LRP5: variants seen among roughly 807,000 people sequenced by gnomAD.
LRP5 encodes the protein LDL receptor related protein 5, also known as low-density lipoprotein receptor-related protein 5.
LRP5 carries 62 observed loss-of-function variants against 154.1 expected under a neutral mutation model. That is an observed-to-expected ratio of 0.40 (90% confidence interval 0.33 to 0.50). The LOEUF is 0.50. LRP5 is among the 20% of genes least tolerant of loss of function. The pLI is 0.55. For synonymous variants in LRP5, 966 were observed against 1,011.5 expected, an observed-to-expected ratio of 0.96 and a Z score of 0.85; for missense variants, 1,915 against 2,336.7, an observed-to-expected ratio of 0.82 and a Z score of 3.72.
intron 5 of LRP5, among the ~76,000 whole-genome samples, chr11:68,383,305 G>A (rs1412914094): frequency 6.6e-6 from 1 of 152,210 alleles, no homozygotes; most frequent in Non-Finnish European, 1.5e-5. Context: ...TGGACACACT[G>A]CTGAGGTCAA....
At chr11:68,341,989 C>T (rs1283329703) in intron 1 of LRP5, among the ~76,000 whole-genome samples, 1 of 151,992 alleles carries the variant, frequency 6.6e-6, no homozygotes, top group African/African-American at 2.4e-5. Context: ...GTGCCCATGG[C>T]CAGCCCCTCC....
At chr11:68,410,758 G>A (rs2098658989) in intron 10 of LRP5, among the ~76,000 whole-genome samples, 1 of 152,178 alleles carries the variant, frequency 6.6e-6, no homozygotes, top group South Asian at 2.1e-4. Flanking sequence ...TTCTGGACTT[G>A]AGTTTTCTTT....
intron 7 of LRP5, among the ~76,000 whole-genome samples, chr11:68,395,928 G>A (rs940805832): frequency 1.3e-5 from 2 of 152,110 alleles, no homozygotes; most frequent in Non-Finnish European, 2.9e-5. Context: ...CCAGCGCCAG[G>A]AGCAAACCCT....
At chr11:68,424,971 A>T in intron 14 of LRP5, 131 bp from the exon 15 acceptor site, 1 of 709,924 alleles carries the variant, frequency 1.4e-6, no homozygotes, top group Non-Finnish European at 2.5e-6. Context: ...CTAGTATAGA[A>T]TGTGACCTGT....
rs150088620 is a variant in LRP5, at chr11:68,436,913, G to A, written c.4025G>A (p.Arg1342Gln). 17 of 1,613,800 alleles carry A rather than the reference G, an allele frequency of 1.1e-5. No individual in the cohort carries two copies. In the East Asian group the frequency reaches 2.0e-4, roughly 19 times the overall value. The change falls in exon 19 of 23, where the codon CGG becomes CAG. Residue 1342 changes from arginine (R) to glutamine (Q), a missense_variant. This residue lies in a region of LRP5 where 1,094 missense variants were observed against 1,210.1 expected (regional missense o/e 0.90). Transcript: ENST00000294304. Reference protein sequence around the residue: ...CDAICLPNQFRCASGQCVLIK... With the variant: ...CDAICLPNQFQCASGQCVLIK... The stretch of plus-strand genomic sequence containing the variant: ...GCCATCTGCCTGCCCAACCAGTTCC[G>A]GTGTGCGAGCGGCCAGTGTGTCCTC...
intron 7 of LRP5, among the ~76,000 whole-genome samples, chr11:68,393,762 CAA>C (rs1239064334): frequency 3.9e-5 from 6 of 152,122 alleles, no homozygotes; most frequent in African/African-American, 1.4e-4. Context: ...GCCTGGGTGA[CAA>C]GAGTGAAACT....
chr11:68,327,165 G>T (rs1278442532), intron 1 of LRP5, among the ~76,000 whole-genome samples: 3 of 152,228 alleles, frequency 2.0e-5, no homozygotes, highest in Non-Finnish European at 4.4e-5. Flanking sequence ...GGCCTCCCAG[G>T]CTCCCCCTCC....
At chr11:68,432,549 C>T (rs2098672533) in intron 17 of LRP5, among the ~76,000 whole-genome samples, 2 of 152,238 alleles carry the variant, frequency 1.3e-5, no homozygotes, top group African/African-American at 4.8e-5. Flanking sequence ...CTGCGGGTTC[C>T]AAACATCCAA....
At chr11:68,398,378 A>AG in intron 7 of LRP5, among the ~76,000 whole-genome samples, 1 of 152,300 alleles carries the variant, frequency 6.6e-6, no homozygotes, top group Middle Eastern at 3.4e-3. Context: ...TGTGCTGGTC[A>AG]GGGGGGCGTG....
At chr11:68,351,212 A>C (rs2098618225) in intron 2 of LRP5, among the ~76,000 whole-genome samples, 1 of 152,054 alleles carries the variant, frequency 6.6e-6, no homozygotes, top group Non-Finnish European at 1.5e-5. Context: ...CCGGCCTCCC[A>C]GGGGTGCTGT....
Position 68,312,781 on chromosome 11 carries a change from T to G in LRP5, c.67T>G (p.Cys23Gly), listed in dbSNP as rs2098589360. 1.1e-5 allele frequency: 12 copies of G among 1,083,064 alleles called. No individual in the cohort carries two copies. The highest frequency in any genetic ancestry group is 4.2e-5 in the Admixed American group (1 of 23,808). The allele number at this position is 1,083,064 out of a possible 1,614,324, so 67.1% of individuals were successfully genotyped here. A position where few individuals can be genotyped will look rare whatever the true frequency, so the allele number is the denominator to read the frequency against. The change falls in exon 1 of 23, where the codon TGC becomes GGC. Residue 23 changes from cysteine (C) to glycine (G), a missense_variant. Cys to Gly is a radical substitution (Grantham distance 159). This residue lies in a region of LRP5 where 48 missense variants were observed against 25.7 expected (regional missense o/e 1.87). Coordinates refer to ENST00000294304, the MANE Select transcript of LRP5 (RefSeq NM_002335.4). The stretch of plus-strand genomic sequence containing the variant: ...GCTGCTGCTGCTGCTGCTGGCGCTG[T>G]GCGGCTGCCCGGCCCCCGCCGCGGG... ...LLLLLLLLAL[C>G]GCPAPAAASP...
intron 5 of LRP5, among the ~76,000 whole-genome samples, chr11:68,378,546 GA>G (rs1448714902): frequency 2.0e-5 from 3 of 151,804 alleles, no homozygotes; most frequent in African/African-American, 7.3e-5. Context: ...TAGAGACCGA[GA>G]GCCTCTAAGG....
At chr11:68,365,958 G>T (rs1282629784) in intron 5 of LRP5, among the ~76,000 whole-genome samples, 1 of 152,046 alleles carries the variant, frequency 6.6e-6, no homozygotes, top group Admixed American at 6.5e-5. Context: ...TTTACTCTCC[G>T]CCTTGGTCCT....
rs373211025 is a variant in LRP5, at chr11:68,345,818, C to T, written c.92-2029C>T. Among the ~76,000 whole-genome samples, 22 of 152,320 alleles carry T rather than the reference C, an allele frequency of 1.4e-4. No homozygotes were observed. The South Asian group carries it at 3.7e-3, about 26-fold the overall frequency. On this transcript the variant is annotated intron_variant, in intron 1 of 22. Coordinates refer to ENST00000294304, the MANE Select transcript of LRP5 (RefSeq NM_002335.4). The stretch of plus-strand genomic sequence containing the variant: ...ACAAGGGTTCCAGTTGCTCCAGATC[C>T]TCACCAACACTTGCTATTTTGTTTT...
At chr11:68,316,009 C>T (rs2098593144) in intron 1 of LRP5, among the ~76,000 whole-genome samples, 1 of 151,596 alleles carries the variant, frequency 6.6e-6, no homozygotes, top group Admixed American at 6.6e-5. Flanking sequence ...GGTACATTCA[C>T]AGTGTTTACA....
At chr11:68,322,803 A>G (rs1479638511) in intron 1 of LRP5, among the ~76,000 whole-genome samples, 3 of 152,218 alleles carry the variant, frequency 2.0e-5, no homozygotes, top group African/African-American at 4.8e-5. Flanking sequence ...CTGTCTGGCT[A>G]TGTGACAGCT....
intron 7 of LRP5, among the ~76,000 whole-genome samples, chr11:68,398,108 A>T (rs754490688): frequency 6.6e-6 from 1 of 151,918 alleles, no homozygotes; most frequent in Non-Finnish European, 1.5e-5. Context: ...AGAGTGGGGT[A>T]CTTCTTCCCT....
At chr11:68,433,477 G>T in intron 17 of LRP5, 125 bp from the exon 18 acceptor site, 2 of 859,430 alleles carry the variant, frequency 2.3e-6, no homozygotes, top group East Asian at 2.4e-5. Context: ...GCAGCACCCC[G>T]TACAGCAGGG....
chr11:68,340,688 C>T (rs1212509637), intron 1 of LRP5, among the ~76,000 whole-genome samples: 2 of 152,032 alleles, frequency 1.3e-5, no homozygotes, highest in Non-Finnish European at 2.9e-5. Flanking sequence ...CTGACCTGGC[C>T]CTTTTGCCTT....
Sources: gnomAD v4.1 joint callset for allele counts (sites outside exome capture counted in the v4.1 genomes callset) on GRCh38, gnomAD v4.1.1 for gene constraint, gnomAD v4.1.1 regional missense constraint, MANE v1.5 for transcripts, NCBI Gene and HGNC (gene_info 2026-07-23, HGNC 2026-07-21) for gene names.